Variants in IGFBP2 observed in about 807,000 individuals in gnomAD.
IGFBP2 encodes insulin like growth factor binding protein 2, also known as insulin-like growth factor-binding protein 2.
Under a neutral mutation model 26.2 loss-of-function variants are expected in IGFBP2, and 12 were observed. The ratio of observed to expected loss-of-function variants is 0.46; its 90% CI spans 0.29 to 0.74. The LOEUF (loss-of-function observed/expected upper bound fraction) is 0.74. Ranked by LOEUF, IGFBP2 falls within the 30% of genes least tolerant of loss-of-function variation. The pLI is 0.09. For synonymous variants in IGFBP2, 189 were observed against 200.6 expected (o/e 0.94, Z 0.49); for missense variants, 328 against 441.2 (o/e 0.74, Z 2.30).
intron 1 of IGFBP2, among the ~76,000 whole-genome samples, chr2:216,655,243 A>G (rs1697896616): frequency 6.6e-6 from 1 of 152,080 alleles, no homozygotes; most frequent in African/African-American, 2.4e-5. Flanking sequence ...ACAAGGTGAT[A>G]TAGTTAGGCT....
intron 1 of IGFBP2, among the ~76,000 whole-genome samples, chr2:216,639,049 G>A (rs1407019625): frequency 8.8e-6 from 1 of 113,580 alleles, no homozygotes; most frequent in African/African-American, 3.6e-5. Flanking sequence ...GTCTTGCTCC[G>A]TCGCCCAGGC....
At chr2:216,634,207 C>G (rs566641773) in intron 1 of IGFBP2, among the ~76,000 whole-genome samples, 10 of 152,218 alleles carry the variant, frequency 6.6e-5, no homozygotes, top group Admixed American at 6.5e-4. Context: ...AAAGGCATCC[C>G]TGCTGCCATA....
At chr2:216,658,797 A>G (rs1697971656) in intron 1 of IGFBP2, among the ~76,000 whole-genome samples, 1 of 152,050 alleles carries the variant, frequency 6.6e-6, no homozygotes, top group Middle Eastern at 3.4e-3. Flanking sequence ...AGTGATCCAC[A>G]TGCCTCAGCC....
At chr2:216,636,369 C>G (rs1281137814) in intron 1 of IGFBP2, among the ~76,000 whole-genome samples, 2 of 151,980 alleles carry the variant, frequency 1.3e-5, no homozygotes, top group South Asian at 4.1e-4. Context: ...TCAGCAGTTC[C>G]GGCTTTGCTG....
intron 1 of IGFBP2, among the ~76,000 whole-genome samples, chr2:216,651,239 C>A (rs9341163): frequency 0.062 from 9,449 of 152,242 alleles, 953 homozygotes; most frequent in African/African-American, 0.21. Flanking sequence ...CTCCCTCCCT[C>A]CCACCAGCAT....
intron 1 of IGFBP2, 130 bp downstream of exon 1, chr2:216,634,095 G>C: frequency 1.5e-6 from 2 of 1,352,920 alleles, no homozygotes; most frequent in Non-Finnish European, 1.9e-6. Context: ...AAGGGGGACT[G>C]TTGCTAGCGG....
chr2:216,654,662 A>T (rs1252696654), intron 1 of IGFBP2, among the ~76,000 whole-genome samples: 1 of 152,252 alleles, frequency 6.6e-6, no homozygotes, highest in African/African-American at 2.4e-5. Flanking sequence ...ATTTGAGTCC[A>T]GAAGCCTCTT....
At chr2:216,659,419 T>C (rs551150575) in intron 1 of IGFBP2, among the ~76,000 whole-genome samples, 1 of 152,324 alleles carries the variant, frequency 6.6e-6, no homozygotes, top group East Asian at 1.9e-4. Context: ...CCAGATCTTG[T>C]TGGGACCTGC....
In IGFBP2 at chr2:216,633,829, C is replaced by G; in HGVS notation, c.306C>G (p.Thr102=). 6.5e-7 allele frequency: 1 copy of G among 1,536,216 alleles called. No individual in the cohort carries two copies. The highest frequency in any genetic ancestry group is 1.4e-5 in the African/African-American group (1 of 72,404). The change falls in exon 1 of 4, where the codon ACC becomes ACG. Residue 102 remains threonine (T), a synonymous_variant. Transcript: ENST00000233809. The stretch of plus-strand genomic sequence containing the variant: ...AGGGCGAGGCGTGCGGCGTCTACAC[C>G]CCGCGCTGCGGCCAGGGGCTGCGCT... ...RLEGEACGVY[T]PRCGQGLRCY... is the part of the protein sequence containing the mutation.
Position 216,661,971 on chromosome 2 carries a change from C to T in IGFBP2, c.786C>T (p.Asp262=). The change falls in exon 3 of 4, where the codon GAC becomes GAT. Residue 262 remains aspartate, a synonymous_variant. Coordinates refer to ENST00000233809, the MANE Select transcript of IGFBP2 (RefSeq NM_000597.3). The stretch of plus-strand genomic sequence containing the variant: ...ACTCCCTGCACATCCCCAACTGTGA[C>T]AAGCATGGCCTGTACAACCTCAAAC... ...HLYSLHIPNC[D]KHGLYNLKQC... 1 of 1,614,224 alleles carries T rather than the reference C, an allele frequency of 6.2e-7. No homozygotes were observed. The highest frequency in any genetic ancestry group is 8.5e-7 in the Non-Finnish European group (1 of 1,180,038).
intron 1 of IGFBP2, among the ~76,000 whole-genome samples, chr2:216,641,495 C>T (rs937126902): frequency 3.9e-5 from 6 of 152,174 alleles, no homozygotes; most frequent in Non-Finnish European, 7.3e-5. Flanking sequence ...ATTTCCATCT[C>T]TTCACCTATG....
chr2:216,645,809 A>G (rs1476694294), intron 1 of IGFBP2, among the ~76,000 whole-genome samples: 1 of 152,104 alleles, frequency 6.6e-6, no homozygotes, highest in East Asian at 1.9e-4. Context: ...TCAATGGTTG[A>G]GAGTTTTCCA....
intron 1 of IGFBP2, among the ~76,000 whole-genome samples, chr2:216,650,143 C>T (rs1194843931): frequency 6.6e-6 from 1 of 152,186 alleles, no homozygotes; most frequent in African/African-American, 2.4e-5. Context: ...GGAGAGGTAT[C>T]ATTCAACATA....
chr2:216,635,753 G>C (rs909910285), intron 1 of IGFBP2, among the ~76,000 whole-genome samples: 6 of 152,160 alleles, frequency 3.9e-5, no homozygotes, highest in Admixed American at 2.0e-4. Context: ...GAGCCTGAAG[G>C]GGGTGGGGGG....
chr2:216,655,825 G>T (rs1697909836), intron 1 of IGFBP2, among the ~76,000 whole-genome samples: 1 of 151,896 alleles, frequency 6.6e-6, no homozygotes, highest in Admixed American at 6.5e-5. Context: ...AACCCAGGAG[G>T]CGGAGGTTGC....
chr2:216,660,898 C>A, intron 2 of IGFBP2, 112 bp downstream of exon 2: 1 of 790,840 alleles, frequency 1.3e-6, no homozygotes, highest in Non-Finnish European at 2.0e-6. Context: ...GTAGGCAAAG[C>A]ACTTTTCTTT....
intron 1 of IGFBP2, 128 bp from the exon 2 acceptor site, chr2:216,660,429 G>A: frequency 1.5e-6 from 1 of 653,546 alleles, no homozygotes; most frequent in Non-Finnish European, 2.6e-6. Flanking sequence ...GGCCCTGACA[G>A]GCCATCAGCA....
At chr2:216,637,418 T>C (rs1379782039) in intron 1 of IGFBP2, among the ~76,000 whole-genome samples, 1 of 152,246 alleles carries the variant, frequency 6.6e-6, no homozygotes, top group Non-Finnish European at 1.5e-5. Context: ...GTGTTCTTTC[T>C]GACGCCTGGG....
At chr2:216,642,286 C>G (rs1482712862) in intron 1 of IGFBP2, among the ~76,000 whole-genome samples, 3 of 148,992 alleles carry the variant, frequency 2.0e-5, no homozygotes, top group Non-Finnish European at 4.4e-5. Flanking sequence ...GTGTGAGCCA[C>G]CCCGTCTGGC....
Sources: gnomAD v4.1 joint callset for allele counts (sites outside exome capture counted in the v4.1 genomes callset) on GRCh38, gnomAD v4.1.1 for gene constraint, MANE v1.5 for transcripts, NCBI Gene and HGNC (gene_info 2026-07-23, HGNC 2026-07-21) for gene names.